The following KHDC1 variants were observed in gnomAD, a reference collection of about 807,000 sequenced individuals.
KHDC1 encodes the protein KH homology domain-containing protein 1.
Under a neutral mutation model 24.7 loss-of-function variants are expected in KHDC1, and 21 were observed. The ratio of observed to expected loss-of-function variants is 0.85; its 90% CI spans 0.60 to 1.23. The LOEUF (loss-of-function observed/expected upper bound fraction) is 1.23, where lower values mean the gene tolerates loss of function less well. Ranked by LOEUF, KHDC1 falls within the 50% of genes most tolerant of loss-of-function variation. The pLI is 0.00. For synonymous variants in KHDC1, 98 were observed against 111.7 expected (o/e 0.88, Z 0.77); for missense variants, 274 against 298.5 (o/e 0.92, Z 0.61).
At chr6:73,293,876 C>T (rs778554024) in intron 1 of KHDC1, among the ~76,000 whole-genome samples, 24 of 151,842 alleles carry the variant, frequency 1.6e-4, no homozygotes, top group Non-Finnish European at 7.4e-5. Flanking sequence ...CATGATGGTG[C>T]GCACCTGTAA....
At chr6:73,249,260 G>T (rs142565621) in intron 2 of KHDC1, among the ~76,000 whole-genome samples, 1 of 151,682 alleles carries the variant, frequency 6.6e-6, no homozygotes, top group African/African-American at 2.4e-5. Flanking sequence ...CAGCCGAGGC[G>T]ACAGAGTGAA....
intron 2 of KHDC1, among the ~76,000 whole-genome samples, chr6:73,246,399 A>G (rs571758605): frequency 1.3e-5 from 2 of 151,562 alleles, no homozygotes; most frequent in Admixed American, 6.6e-5. Flanking sequence ...AACAAGAAAC[A>G]TTAATATTTT....
intron 2 of KHDC1, among the ~76,000 whole-genome samples, chr6:73,263,861 G>A (rs902807431): frequency 2.0e-5 from 3 of 152,198 alleles, no homozygotes; most frequent in Admixed American, 2.0e-4. Flanking sequence ...TTGGGAAGAA[G>A]ATTCTTTTGT....
intron 1 of KHDC1, among the ~76,000 whole-genome samples, chr6:73,296,158 A>C (rs531271551): frequency 6.9e-6 from 1 of 145,158 alleles, no homozygotes; most frequent in Admixed American, 6.9e-5. Context: ...CTAAAAAGAA[A>C]ACACACACAC....
intron 2 of KHDC1, among the ~76,000 whole-genome samples, chr6:73,278,016 T>G (rs1419618600): frequency 2.1e-4 from 29 of 138,582 alleles, no homozygotes; most frequent in Middle Eastern, 3.7e-3. Context: ...GGTGTTTTTT[T>G]TTTTTTTTTT....
At chr6:73,263,368 A>G (rs769919368) in intron 2 of KHDC1, 172 bp from the exon 1 acceptor site, 8 of 815,040 alleles carry the variant, frequency 9.8e-6, no homozygotes, top group Non-Finnish European at 1.2e-5. Context: ...GCCAGTGGCA[A>G]TGACCCAGAC....
At chr6:73,253,313 T>C (rs969187708) in intron 2 of KHDC1, among the ~76,000 whole-genome samples, 1 of 152,122 alleles carries the variant, frequency 6.6e-6, no homozygotes, top group Admixed American at 6.6e-5. Context: ...CCCAGCACTT[T>C]GGGAGGCCGA....
chr6:73,256,011 ATAC>A, intron 2 of KHDC1, among the ~76,000 whole-genome samples: 2 of 152,254 alleles, frequency 1.3e-5, no homozygotes, highest in East Asian at 3.9e-4. Context: ...GGAGTTAGAA[ATAC>A]TGTGGTACCT....
At chr6:73,286,258 A>G (rs1308082465) in intron 2 of KHDC1, among the ~76,000 whole-genome samples, 1 of 152,212 alleles carries the variant, frequency 6.6e-6, no homozygotes, top group Non-Finnish European at 1.5e-5. Context: ...GGAAAAATTC[A>G]GAACTCCAAA....
At chr6:73,294,172 G>A (rs1208554555) in intron 1 of KHDC1, among the ~76,000 whole-genome samples, 1 of 152,078 alleles carries the variant, frequency 6.6e-6, no homozygotes. Flanking sequence ...ATACATTTAT[G>A]GATCTATTGT....
At chr6:73,255,521 T>C (rs974068787) in intron 2 of KHDC1, among the ~76,000 whole-genome samples, 6 of 134,726 alleles carry the variant, frequency 4.5e-5, no homozygotes, top group African/African-American at 1.6e-4. Context: ...CACACCTGGC[T>C]TTTTTTTTTT....
intron 1 of KHDC1, among the ~76,000 whole-genome samples, chr6:73,295,651 G>A (rs952511917): frequency 1.2e-4 from 19 of 152,110 alleles, no homozygotes; most frequent in African/African-American, 2.9e-4. Context: ...TTCGACACCC[G>A]CCTGGCTAAC....
chr6:73,283,293 T>C (rs1767447719), intron 2 of KHDC1, among the ~76,000 whole-genome samples: 3 of 152,188 alleles, frequency 2.0e-5, no homozygotes, highest in African/African-American at 7.2e-5. Context: ...TATTTAATTA[T>C]TCATTTTTAA....
intron 2 of KHDC1, among the ~76,000 whole-genome samples, chr6:73,272,860 T>C (rs1217660288): frequency 7.1e-6 from 1 of 140,512 alleles, no homozygotes; most frequent in Non-Finnish European, 1.5e-5. Flanking sequence ...TCTTTTCTTT[T>C]TCTTTTTTTT....
intron 1 of KHDC1, among the ~76,000 whole-genome samples, chr6:73,295,100 C>T (rs972458595): frequency 6.6e-6 from 1 of 151,960 alleles, no homozygotes; most frequent in African/African-American, 2.4e-5. Context: ...TTGCCATGAG[C>T]CAACATCCCA....
At chr6:73,286,191 C>T (rs1173162248) in intron 2 of KHDC1, among the ~76,000 whole-genome samples, 2 of 152,144 alleles carry the variant, frequency 1.3e-5, no homozygotes, top group Non-Finnish European at 2.9e-5. Flanking sequence ...GCTACTTTTC[C>T]TTGCTTGGTC....
At chr6:73,253,053 C>T (rs1376218212) in intron 2 of KHDC1, among the ~76,000 whole-genome samples, 1 of 152,078 alleles carries the variant, frequency 6.6e-6, no homozygotes, top group African/African-American at 2.4e-5. Context: ...AGGCTTAGTC[C>T]TATCTATGTA....
chr6:73,263,251 C>CT, intron 2 of KHDC1, 55 bp from the exon 1 acceptor site: 6 of 986,240 alleles, frequency 6.1e-6, no homozygotes, highest in Non-Finnish European at 7.2e-6. Flanking sequence ...ACCCAGAGCC[C>CT]TCCTCCCGCC....
At chr6:73,303,699 A>G (rs1767915203) in intron 1 of KHDC1, among the ~76,000 whole-genome samples, 1 of 152,230 alleles carries the variant, frequency 6.6e-6, no homozygotes, top group Non-Finnish European at 1.5e-5. Flanking sequence ...TCTAGAAAAT[A>G]GCTGATATTC....
Sources: allele counts gnomAD v4.1 joint callset (sites outside exome capture counted in the v4.1 genomes callset), GRCh38; gene constraint gnomAD v4.1.1; transcripts MANE v1.5; gene names NCBI Gene and HGNC (gene_info 2026-07-23, HGNC 2026-07-21).